The following CCDC158 variants were observed in gnomAD, a reference collection of about 807,000 sequenced individuals.
CCDC158 encodes the protein coiled-coil domain-containing protein 158.
In CCDC158, 116 loss-of-function variants were observed where a neutral mutation model predicts 138.6. That is an observed-to-expected ratio of 0.84 (90% CI 0.72 to 0.98). The LOEUF is 0.98. CCDC158 is among the 50% of genes least tolerant of loss of function. The pLI, the probability that CCDC158 is intolerant of heterozygous loss-of-function variation, is 0.00. For missense variants in CCDC158, 1,265 were observed against 1,306.1 expected (o/e 0.97, Z 0.48); for synonymous variants, 436 against 442.4 (o/e 0.99, Z 0.18).
chr4:76,331,164 T>A (rs1720970535), intron 21 of CCDC158, among the ~76,000 whole-genome samples, 180 bp downstream of exon 21: 1 of 152,194 alleles, frequency 6.6e-6, no homozygotes, highest in Admixed American at 6.5e-5. Flanking sequence ...AGGCAGTCCG[T>A]CAAAAGACAG....
In CCDC158 at chr4:76,367,572, C is replaced by G. The variant is rs200881803; in HGVS notation, c.1552G>C (p.Glu518Gln). ...ACCCGGGAGCGGAGCTTTGTGATCT[C>G]TGCATTGGTAGCCTCGATGGCTCTC... ...KERAIEATNA[E>Q]ITKLRSRVDL... Residue 518 changes from glutamate to glutamine, a missense_variant, in exon 12 of 25, where the codon GAG becomes CAG. Transcript: ENST00000682701. 5.0e-5 allele frequency: 81 copies of G among 1,614,110 alleles called. No homozygotes were observed. The highest frequency in any genetic ancestry group is 2.2e-5 in the East Asian group (1 of 44,896).
intron 18 of CCDC158, among the ~76,000 whole-genome samples, chr4:76,338,573 T>A (rs1721761752): frequency 2.0e-5 from 3 of 152,154 alleles, no homozygotes; most frequent in Admixed American, 2.0e-4. Flanking sequence ...AAGACCATAA[T>A]AAATCAATTG....
At position 76,334,110 on chromosome 4, in the gene CCDC158, G is replaced by A; in HGVS notation, c.2722C>T (p.Leu908Phe). Residue 908 changes from leucine (L) to phenylalanine (F), a missense_variant, in exon 19 of 25, where the codon CTC (leucine) becomes TTC (phenylalanine). Coordinates refer to ENST00000682701, the MANE Select transcript of CCDC158 (RefSeq NM_001394954.1). ...TTGATCACGCTTCTCAACTCTTGGA[G>A]AAGCTGTTTCAGGTCCCTTGTTGGA... is the stretch of plus-strand genomic sequence containing the variant. ...EDPTRDLKQL[L>F]QELRSVINEE... 6.2e-7 allele frequency: 1 copy of A among 1,613,716 alleles called. No homozygotes were observed. The highest frequency in any genetic ancestry group is 8.5e-7 in the Non-Finnish European group (1 of 1,179,686).
chr4:76,376,453 C>A (rs772823481), intron 9 of CCDC158, among the ~76,000 whole-genome samples: 5 of 152,072 alleles, frequency 3.3e-5, no homozygotes, highest in Non-Finnish European at 5.9e-5. Context: ...CTGAAATATG[C>A]ACTGAAGCAA....
At chr4:76,351,677 A>C (rs2110172423) in intron 17 of CCDC158, 43 bp downstream of exon 17, 1 of 1,150,418 alleles carries the variant, frequency 8.7e-7, no homozygotes, top group East Asian at 2.3e-5. Flanking sequence ...ATATCAAAGA[A>C]CGGCATTATT....
intron 24 of CCDC158, among the ~76,000 whole-genome samples, chr4:76,315,048 C>A (rs960691954): frequency 1.1e-4 from 16 of 152,190 alleles, no homozygotes; most frequent in African/African-American, 3.9e-4. Flanking sequence ...CCCCCAACCA[C>A]CACCCTGCAC....
At chr4:76,321,643 C>A (rs189163773) in intron 24 of CCDC158, among the ~76,000 whole-genome samples, 2 of 146,438 alleles carry the variant, frequency 1.4e-5, no homozygotes, top group African/African-American at 5.0e-5. Flanking sequence ...ACCTCCCATT[C>A]TTCCCCCATA....
In CCDC158 at chr4:76,371,549, T is replaced by C. The variant is rs1289293495; in HGVS notation, c.1030-13A>G. Reference sequence around the variant, plus strand: ...CCAGCTCTTCTGTCTGAAAGGAAAGTACAAATTGAACAGTGTCTGATTATG... The same window carrying C: ...CCAGCTCTTCTGTCTGAAAGGAAAGCACAAATTGAACAGTGTCTGATTATG... On this transcript the variant is annotated splice_polypyrimidine_tract_variant and intron_variant, in intron 9 of 24. Transcript: ENST00000682701. 5.0e-6 allele frequency: 8 copies of C among 1,613,936 alleles called. No homozygotes were observed. The African/African-American group carries it at 5.3e-5, about 11-fold the overall frequency.
At chr4:76,383,576 GT>G in intron 7 of CCDC158, 85 bp downstream of exon 7, 1 of 924,046 alleles carries the variant, frequency 1.1e-6, no homozygotes, top group Non-Finnish European at 1.8e-6. Context: ...TTTCAGAGCT[GT>G]TTAGATTTTG....
chr4:76,400,339 A>G lies in CCDC158; in HGVS notation c.70+2799T>C, dbSNP rs188492263. On this transcript the variant is annotated intron_variant, in intron 3 of 24. Coordinates refer to ENST00000682701, the MANE Select transcript of CCDC158 (RefSeq NM_001394954.1). ...AAACACCGCATGTTCTTACTCGTAGATGGGAATTGAACAACGAGAACACTT... is the reference window on the plus strand; with the variant it reads ...AAACACCGCATGTTCTTACTCGTAGGTGGGAATTGAACAACGAGAACACTT... Among the ~76,000 whole-genome samples, 848 of 140,280 alleles carry G rather than the reference A, an allele frequency of 6.0e-3. 34 individuals carry two copies. Among genetic ancestry groups the G allele is most frequent in the Admixed American group, 0.06 (793 of 13,280 alleles). The allele number at this position is 140,280 out of a possible 152,430, so 92.0% of individuals were successfully genotyped here. A position where few individuals can be genotyped will look rare whatever the true frequency, so the allele number is the denominator to read the frequency against.
chr4:76,360,836 G>T (rs577150689), intron 13 of CCDC158, among the ~76,000 whole-genome samples: 10 of 152,358 alleles, frequency 6.6e-5, no homozygotes, highest in Non-Finnish European at 1.3e-4. Flanking sequence ...ATGCTGGAAT[G>T]AGTTAAGACT....
intron 14 of CCDC158, among the ~76,000 whole-genome samples, chr4:76,356,367 C>T (rs1224764718): frequency 6.9e-5 from 4 of 57,784 alleles, no homozygotes; most frequent in East Asian, 5.0e-4. Context: ...TTTTCTAAAA[C>T]AAATGTTTTT....
chr4:76,319,277 A>C (rs531365127), intron 24 of CCDC158, among the ~76,000 whole-genome samples: 8 of 149,656 alleles, frequency 5.3e-5, no homozygotes, highest in Admixed American at 2.0e-4. Context: ...ATCTTAAAAA[A>C]AAAAAATTAG....
intron 14 of CCDC158, among the ~76,000 whole-genome samples, chr4:76,357,053 A>G (rs940571835): frequency 5.3e-5 from 8 of 152,216 alleles, no homozygotes; most frequent in Non-Finnish European, 1.2e-4. Context: ...TTGAATGGAA[A>G]TTACAGGTAA....
chr4:76,364,391 A>T (rs530847423), intron 12 of CCDC158, among the ~76,000 whole-genome samples: 1 of 151,554 alleles, frequency 6.6e-6, no homozygotes, highest in East Asian at 2.0e-4. Context: ...CTAACACAAT[A>T]CCTGCACATG....
intron 20 of CCDC158, among the ~76,000 whole-genome samples, chr4:76,331,828 G>A (rs928520670): frequency 1.3e-5 from 2 of 152,174 alleles, no homozygotes; most frequent in African/African-American, 4.8e-5. Context: ...AGTAGGCAGT[G>A]AGGAGCTACT....
chr4:76,354,721 G>GT (rs1399021437), intron 15 of CCDC158, among the ~76,000 whole-genome samples: 1 of 152,054 alleles, frequency 6.6e-6, no homozygotes, highest in African/African-American at 2.4e-5. Flanking sequence ...GGCGACCTCA[G>GT]TTTTACCATG....
At chr4:76,339,461 A>G (rs1267323655) in intron 18 of CCDC158, among the ~76,000 whole-genome samples, 2 of 152,246 alleles carry the variant, frequency 1.3e-5, no homozygotes, top group Non-Finnish European at 2.9e-5. Flanking sequence ...GGGTTAATGA[A>G]TCACCATGGT....
intron 1 of CCDC158, among the ~76,000 whole-genome samples, chr4:76,416,835 G>A (rs748528624): frequency 3.9e-5 from 6 of 152,234 alleles, no homozygotes; most frequent in South Asian, 2.1e-4. Context: ...GGATGGGACC[G>A]TTATGGAGAA....
Sources: allele counts gnomAD v4.1 joint callset (sites outside exome capture counted in the v4.1 genomes callset), GRCh38; gene constraint gnomAD v4.1.1; transcripts MANE v1.5; gene names NCBI Gene and HGNC (gene_info 2026-07-23, HGNC 2026-07-21).